NRXN3: variants seen among roughly 807,000 people sequenced by gnomAD.
The protein encoded by NRXN3 is neurexin III.
A neutral mutation model predicts 137.6 loss-of-function variants in NRXN3; 32 were observed. That is an observed-to-expected ratio of 0.23 (90% CI 0.18 to 0.31). The LOEUF is 0.31. Ranked by LOEUF, NRXN3 falls within the 10% of genes least tolerant of loss-of-function variation. NRXN3 has a pLI of 1.00. For missense variants in NRXN3, 1,574 were observed against 2,062.5 expected (o/e 0.76, Z 4.59); for synonymous variants, 798 against 784.5 (o/e 1.02, Z -0.29).
chr14:79,720,242 T>G (rs1488589352), intron 19 of NRXN3, among the ~76,000 whole-genome samples: 1 of 152,054 alleles, frequency 6.6e-6, no homozygotes, highest in East Asian at 1.9e-4. Context: ...CCATCAGATC[T>G]CTTGAGACTT....
At chr14:79,085,492 G>A (rs1024675664) in intron 15 of NRXN3, among the ~76,000 whole-genome samples, 11 of 152,102 alleles carry the variant, frequency 7.2e-5, no homozygotes, top group Admixed American at 2.0e-4. Context: ...TACTGGAGAA[G>A]AAATTGAAGT....
chr14:78,902,942 T>C (rs2099201747), intron 10 of NRXN3, among the ~76,000 whole-genome samples: 1 of 151,806 alleles, frequency 6.6e-6, no homozygotes, highest in African/African-American at 2.4e-5. Context: ...CTGCCTCTTA[T>C]CCTCCTGCAA....
At chr14:79,514,892 G>A (rs2153694586) in intron 16 of NRXN3, among the ~76,000 whole-genome samples, 1 of 141,720 alleles carries the variant, frequency 7.1e-6, no homozygotes, top group Non-Finnish European at 1.5e-5. Flanking sequence ...CACCGATTCT[G>A]TCTAGGGGGT....
At chr14:79,368,340 G>T (rs2093973384) in intron 15 of NRXN3, among the ~76,000 whole-genome samples, 1 of 152,126 alleles carries the variant, frequency 6.6e-6, no homozygotes, top group Non-Finnish European at 1.5e-5. Context: ...AACTAACATT[G>T]ATTCTACAAC....
intron 15 of NRXN3, among the ~76,000 whole-genome samples, chr14:79,024,600 A>G (rs1437463368): frequency 2.0e-5 from 3 of 152,118 alleles, no homozygotes; most frequent in Non-Finnish European, 4.4e-5. Flanking sequence ...GGAGTTCAGA[A>G]CATCATTTTA....
At chr14:78,496,140 T>C (rs1200239949) in intron 4 of NRXN3, among the ~76,000 whole-genome samples, 2 of 152,328 alleles carry the variant, frequency 1.3e-5, no homozygotes, top group East Asian at 3.9e-4. Flanking sequence ...ATGTATTTAA[T>C]TTTTATTCTG....
At chr14:79,192,258 T>C (rs144758071) in intron 15 of NRXN3, among the ~76,000 whole-genome samples, 367 of 152,302 alleles carry the variant, frequency 2.4e-3, no homozygotes, top group African/African-American at 8.4e-3. Flanking sequence ...TTCTGTAAAA[T>C]ATGATAATAG....
chr14:79,204,421 A>T (rs191883654), intron 15 of NRXN3, among the ~76,000 whole-genome samples: 3 of 151,972 alleles, frequency 2.0e-5, no homozygotes, highest in Non-Finnish European at 4.4e-5. Flanking sequence ...AGGTTTGAGT[A>T]AAAAAATGAA....
intron 16 of NRXN3, among the ~76,000 whole-genome samples, chr14:79,531,971 C>T (rs1256857142): frequency 2.0e-5 from 3 of 152,204 alleles, no homozygotes; most frequent in Non-Finnish European, 2.9e-5. Flanking sequence ...CTATATCCTT[C>T]ACCTTTATTG....
chr14:79,233,313 G>T (rs2199789), intron 15 of NRXN3, among the ~76,000 whole-genome samples: 10 of 152,158 alleles, frequency 6.6e-5, no homozygotes, highest in South Asian at 2.1e-4. Flanking sequence ...TCAACTGTGC[G>T]CAACGTGCTG....
chr14:79,277,129 G>T (rs1296437098), intron 15 of NRXN3, among the ~76,000 whole-genome samples: 1 of 152,140 alleles, frequency 6.6e-6, no homozygotes, highest in East Asian at 1.9e-4. Flanking sequence ...ACCAGAGAGG[G>T]TCTCTGAGGA....
At chr14:78,513,043 T>C (rs2096138151) in intron 4 of NRXN3, among the ~76,000 whole-genome samples, 1 of 152,216 alleles carries the variant, frequency 6.6e-6, no homozygotes, top group Non-Finnish European at 1.5e-5. Context: ...CTCTTCTTTT[T>C]GATCCCATGT....
intron 20 of NRXN3, among the ~76,000 whole-genome samples, chr14:79,839,332 C>T (rs1349454030): frequency 6.6e-6 from 1 of 151,950 alleles, no homozygotes; most frequent in Non-Finnish European, 1.5e-5. Context: ...TGTAGAATAA[C>T]ATAACAGGAA....
intron 15 of NRXN3, among the ~76,000 whole-genome samples, chr14:79,365,241 C>A (rs1387653080): frequency 6.6e-6 from 1 of 151,994 alleles, no homozygotes; most frequent in East Asian, 1.9e-4. Context: ...CTGGCAGTGA[C>A]ACCACTGCAG....
At chr14:78,800,293 A>T (rs773002099) in intron 8 of NRXN3, among the ~76,000 whole-genome samples, 1 of 152,188 alleles carries the variant, frequency 6.6e-6, no homozygotes, top group Admixed American at 6.5e-5. Context: ...CTAGAAAATG[A>T]GATAATAAAG....
At chr14:79,112,402 C>T (rs2035284) in intron 15 of NRXN3, among the ~76,000 whole-genome samples, 76,313 of 152,100 alleles carry the variant, frequency 0.5, 22,363 homozygotes, top group East Asian at 0.78. Flanking sequence ...GCCTGGCTGG[C>T]GGCAATATTG....
chr14:78,329,891 G>A (rs1194901544), intron 4 of NRXN3, among the ~76,000 whole-genome samples: 5 of 152,114 alleles, frequency 3.3e-5, no homozygotes, highest in Non-Finnish European at 5.9e-5. Flanking sequence ...GACTTACAGA[G>A]GCTTCACAAG....
chr14:79,845,838 C>G (rs571902914), intron 20 of NRXN3, among the ~76,000 whole-genome samples: 3 of 28,122 alleles, frequency 1.1e-4, no homozygotes, highest in Admixed American at 4.8e-4. Context: ...GAGAGGGAGA[C>G]GGGGAGAGAG....
chr14:79,144,083 A>G (rs912852980), intron 15 of NRXN3, among the ~76,000 whole-genome samples: 4 of 152,196 alleles, frequency 2.6e-5, no homozygotes, highest in Non-Finnish European at 5.9e-5. Flanking sequence ...GTTGTGGGAC[A>G]CTCATCCGTC....
Sources: gnomAD v4.1 joint callset for allele counts (sites outside exome capture counted in the v4.1 genomes callset) on GRCh38, gnomAD v4.1.1 for gene constraint, MANE v1.5 for transcripts, NCBI Gene and HGNC (gene_info 2026-07-23, HGNC 2026-07-21) for gene names.